CACNA2D3: variants seen among roughly 807,000 people sequenced by gnomAD.
CACNA2D3 encodes calcium voltage-gated channel auxiliary subunit alpha2delta 3.
Under a neutral mutation model 160.6 loss-of-function variants are expected in CACNA2D3, and 60 were observed. That is an observed-to-expected ratio of 0.37 (90% CI 0.30 to 0.46). CACNA2D3 has a LOEUF of 0.46. Ranked by LOEUF, CACNA2D3 falls within the 20% of genes least tolerant of loss-of-function variation. The pLI, the probability that CACNA2D3 is intolerant of heterozygous loss-of-function variation, is 1.00. For missense variants in CACNA2D3, 1,205 were observed against 1,365.0 expected, an observed-to-expected ratio of 0.88 and a Z score of 1.85; for synonymous variants, 558 against 492.9, an observed-to-expected ratio of 1.13 and a Z score of -1.75.
intron 10 of CACNA2D3, among the ~76,000 whole-genome samples, chr3:54,631,097 G>A (rs547796035): frequency 1.7e-3 from 257 of 152,008 alleles, no homozygotes; most frequent in Non-Finnish European, 3.1e-3. Flanking sequence ...CCAGCTATTC[G>A]GGAGGCTGAG....
rs374690495 is a variant in CACNA2D3 at position 54,716,701 on chromosome 3, A to C, written c.1168-35898A>C. Among the ~76,000 whole-genome samples the C allele has an allele frequency of 7.9e-5, 12 of 152,328 alleles. No individual in the cohort carries two copies. In the South Asian group the frequency reaches 2.5e-3, roughly 32 times the overall value. On this transcript the variant is annotated intron_variant, in intron 11 of 37. Coordinates refer to ENST00000474759, the MANE Select transcript of CACNA2D3 (RefSeq NM_018398.3). ...TATCTGTAGCTATCAGTTTAGGAAC[A>C]AAAGTAAAGGAGTTTTTGGGTTTTA...
At chr3:54,160,689 CCT>C (rs1180511930) in intron 2 of CACNA2D3, among the ~76,000 whole-genome samples, 2 of 152,100 alleles carry the variant, frequency 1.3e-5, no homozygotes, top group Admixed American at 1.3e-4. Flanking sequence ...TCTGGGAAGA[CCT>C]CTCTCCAATT....
chr3:54,871,682 C>T (rs1699538360), intron 18 of CACNA2D3, 60 bp downstream of exon 18: 2 of 1,330,540 alleles, frequency 1.5e-6, no homozygotes, highest in African/African-American at 2.9e-5. Context: ...ACTTCTGTAC[C>T]TGGGGGCGAT....
At chr3:54,171,228 G>A (rs1700563254) in intron 2 of CACNA2D3, among the ~76,000 whole-genome samples, 1 of 134,656 alleles carries the variant, frequency 7.4e-6, no homozygotes, top group Admixed American at 8.8e-5. Flanking sequence ...ACTTTGCTGT[G>A]CCAAAGTGAT....
intron 25 of CACNA2D3, among the ~76,000 whole-genome samples, chr3:54,892,104 A>AG (rs1177013130): frequency 9.9e-5 from 15 of 152,212 alleles, no homozygotes; most frequent in Non-Finnish European, 2.1e-4. Flanking sequence ...GTGTTTCACC[A>AG]GGGCTAGTAG....
intron 9 of CACNA2D3, among the ~76,000 whole-genome samples, chr3:54,608,106 T>G (rs1698673763): frequency 6.6e-6 from 1 of 152,228 alleles, no homozygotes; most frequent in African/African-American, 2.4e-5. Context: ...ACAAGTCTAT[T>G]CTTGTGATAA....
intron 27 of CACNA2D3, among the ~76,000 whole-genome samples, chr3:54,934,893 C>T (rs530671980): frequency 3.3e-5 from 5 of 152,094 alleles, no homozygotes; most frequent in African/African-American, 4.8e-5. Flanking sequence ...CACCACACCC[C>T]GCTAATTTCT....
At chr3:54,786,231 C>G (rs2106638109) in intron 13 of CACNA2D3, among the ~76,000 whole-genome samples, 1 of 152,270 alleles carries the variant, frequency 6.6e-6, no homozygotes, top group South Asian at 2.1e-4. Context: ...GAGTAACGGT[C>G]ACTAAAATAA....
In CACNA2D3 at chr3:54,249,741, T is replaced by G. The variant is rs369703100; in HGVS notation, c.205-70701T>G. On this transcript the variant is annotated intron_variant, in intron 2 of 37. Transcript: ENST00000474759. ...CTGGTTCAACCGTAATACACAATATTCAACATTCTATACCAAAATTATGTT... is the reference window on the plus strand; with the variant it reads ...CTGGTTCAACCGTAATACACAATATGCAACATTCTATACCAAAATTATGTT... Among the ~76,000 whole-genome samples, 250 of 150,194 alleles carry G rather than the reference T, an allele frequency of 1.7e-3. 1 individual carries two copies. Among genetic ancestry groups the G allele is most frequent in the African/African-American group, 5.5e-3 (224 of 40,592 alleles).
intron 2 of CACNA2D3, among the ~76,000 whole-genome samples, chr3:54,304,159 C>G (rs1032904756): frequency 2.0e-5 from 3 of 152,142 alleles, no homozygotes; most frequent in Non-Finnish European, 4.4e-5. Context: ...TCCCTTTCTT[C>G]CCCCGAGTTG....
At chr3:55,028,899 C>G (rs1311715643) in intron 35 of CACNA2D3, among the ~76,000 whole-genome samples, 1 of 152,176 alleles carries the variant, frequency 6.6e-6, no homozygotes, top group Non-Finnish European at 1.5e-5. Flanking sequence ...CTACAGTTTT[C>G]TTCTCTCATC....
At chr3:54,380,427 AC>A (rs1368901874) in intron 3 of CACNA2D3, among the ~76,000 whole-genome samples, 2 of 152,192 alleles carry the variant, frequency 1.3e-5, no homozygotes, top group African/African-American at 4.8e-5. Flanking sequence ...AAATGGTGTA[AC>A]TCCAACTCTT....
At chr3:54,136,706 G>T (rs953234873) in intron 2 of CACNA2D3, among the ~76,000 whole-genome samples, 4 of 152,212 alleles carry the variant, frequency 2.6e-5, no homozygotes, top group Non-Finnish European at 5.9e-5. Context: ...TGCTGTCCTT[G>T]TCTGGCTTCT....
In CACNA2D3 at chr3:54,425,055, C is replaced by T. The variant is rs149452189; in HGVS notation, c.381+38281C>T. Among the ~76,000 whole-genome samples, 1,023 of 152,312 alleles carry T rather than the reference C, an allele frequency of 6.7e-3. 12 individuals carry two copies. Among genetic ancestry groups the T allele is most frequent in the African/African-American group, 0.023 (970 of 41,580 alleles). On this transcript the variant is annotated intron_variant, in intron 4 of 37. Transcript: ENST00000474759. The stretch of plus-strand genomic sequence containing the variant: ...GATTTAGAAGTCAGAAAGAGCTGGG[C>T]GCGGTGGCTCACGCCTGTAATCCCA...
chr3:54,602,646 A>C (rs1453920628), intron 9 of CACNA2D3, among the ~76,000 whole-genome samples: 1 of 152,282 alleles, frequency 6.6e-6, no homozygotes, highest in East Asian at 1.9e-4. Context: ...TTTGTACTCA[A>C]ATTTCTTAGC....
chr3:54,291,055 A>C (rs1434983997), intron 2 of CACNA2D3, among the ~76,000 whole-genome samples: 2 of 152,232 alleles, frequency 1.3e-5, no homozygotes, highest in Non-Finnish European at 2.9e-5. Context: ...CTTAAAGTAT[A>C]ATAAAATAAA....
chr3:54,166,034 G>A (rs2107304174), intron 2 of CACNA2D3, among the ~76,000 whole-genome samples: 1 of 152,260 alleles, frequency 6.6e-6, no homozygotes, highest in African/African-American at 2.4e-5. Context: ...CCCAGACATG[G>A]GAAGAGTACA....
Position 54,538,573 on chromosome 3 carries a change from CAG to C in CACNA2D3, c.545-24216_545-24215del, listed in dbSNP as rs200437830. 7.9e-3 allele frequency among the ~76,000 whole-genome samples: 1,196 copies of C among 151,730 alleles called. 11 individuals carry two copies. The highest frequency in any genetic ancestry group is 0.026 in the African/African-American group (1,082 of 41,456). On this transcript the variant is annotated intron_variant, in intron 5 of 37. Transcript: ENST00000474759. ...AGGGGGATTTGAGGATCCAGGCAAGCAGAGAGAGAGAGGATGCCAAGCTTCTG... is the reference window on the plus strand; with the variant it reads ...AGGGGGATTTGAGGATCCAGGCAAGCAGAGAGAGAGGATGCCAAGCTTCTG...
chr3:54,723,585 G>A (rs141723239), intron 11 of CACNA2D3, among the ~76,000 whole-genome samples: 7 of 152,216 alleles, frequency 4.6e-5, no homozygotes, highest in African/African-American at 1.7e-4. Context: ...CACAGTTTCT[G>A]TGCCAGAGTT....
Sources: gnomAD v4.1 joint callset for allele counts (sites outside exome capture counted in the v4.1 genomes callset) on GRCh38, gnomAD v4.1.1 for gene constraint, MANE v1.5 for transcripts, NCBI Gene and HGNC (gene_info 2026-07-23, HGNC 2026-07-21) for gene names.